PHF3: variants seen among roughly 807,000 people sequenced by gnomAD.
PHF3 encodes the protein PHD finger protein 3.
Under a neutral mutation model 178.4 loss-of-function variants are expected in PHF3, and 41 were observed. The ratio of observed to expected loss-of-function variants is 0.23; its 90% CI spans 0.18 to 0.30. The LOEUF (loss-of-function observed/expected upper bound fraction) is 0.30, where lower values mean the gene tolerates loss of function less well. Ranked by LOEUF, PHF3 falls within the 10% of genes least tolerant of loss-of-function variation. PHF3 has a pLI of 1.00. For synonymous variants in PHF3, 842 were observed against 800.5 expected (o/e 1.05, Z -0.88); for missense variants, 2,346 against 2,398.1 (o/e 0.98, Z 0.45).
At chr6:63,694,348 A>ACT (rs1475226018) in intron 5 of PHF3, among the ~76,000 whole-genome samples, 1 of 152,142 alleles carries the variant, frequency 6.6e-6, no homozygotes, top group Non-Finnish European at 1.5e-5. Context: ...GAGAATTCTT[A>ACT]CTACCTTATT....
chr6:63,709,757 A>T (rs1413083084), intron 14 of PHF3, among the ~76,000 whole-genome samples: 1 of 152,202 alleles, frequency 6.6e-6, no homozygotes, highest in Non-Finnish European at 1.5e-5. Context: ...ATCCATACAT[A>T]GCTGCTAGGG....
intron 2 of PHF3, among the ~76,000 whole-genome samples, chr6:63,673,632 C>T (rs1582049766): frequency 1.3e-5 from 2 of 152,306 alleles, no homozygotes; most frequent in East Asian, 3.9e-4. Flanking sequence ...ACTTGCAAAA[C>T]ATGTTTTCTT....
chr6:63,651,304 C>G (rs1404876124), intron 2 of PHF3, among the ~76,000 whole-genome samples: 1 of 152,066 alleles, frequency 6.6e-6, no homozygotes, highest in East Asian at 1.9e-4. Flanking sequence ...ATTGTAGTTA[C>G]CCTGTAGTGT....
chr6:63,694,822 CAATT>C (rs1767165712), intron 6 of PHF3, 58 bp downstream of exon 6: 4 of 964,020 alleles, frequency 4.1e-6, no homozygotes, highest in Non-Finnish European at 5.5e-6. Context: ...ATTTAAGATA[CAATT>C]AATTAGTATA....
intron 2 of PHF3, among the ~76,000 whole-genome samples, chr6:63,670,936 T>G (rs1765886882): frequency 6.6e-6 from 1 of 152,192 alleles, no homozygotes; most frequent in South Asian, 2.1e-4. Context: ...AAAAAATATG[T>G]GATTCTCTAA....
intron 4 of PHF3, among the ~76,000 whole-genome samples, chr6:63,687,563 A>G (rs909546877): frequency 9.2e-5 from 14 of 152,210 alleles, no homozygotes; most frequent in Non-Finnish European, 1.8e-4. Context: ...AAAAATTATC[A>G]TGTGGACAGA....
rs1469385841 is a variant in PHF3 at position 63,724,493 on chromosome 6, CGTT to C, written c.*10787_*10789del. 1.3e-5 allele frequency among the ~76,000 whole-genome samples: 2 copies of C among 151,978 alleles called. No individual in the cohort carries two copies. The highest frequency in any genetic ancestry group is 4.8e-5 in the African/African-American group (2 of 41,382). The stretch of plus-strand genomic sequence containing the variant: ...TGCAATGACTAGGCCTTTTTATACA[CGTT>C]GGGAGGATTATAACTATATCAGATG... On this transcript the variant is annotated 3_prime_UTR_variant, in exon 16 of 16. Coordinates refer to ENST00000262043, the MANE Select transcript of PHF3 (RefSeq NM_001370348.2).
chr6:63,720,511 A>G lies in PHF3; in HGVS notation c.*6803A>G. 1.0e-6 allele frequency: 1 copy of G among 977,846 alleles called. No individual in the cohort carries two copies. Among genetic ancestry groups the G allele is most frequent in the South Asian group, 2.0e-5 (1 of 50,138 alleles). 60.6% of individuals were successfully genotyped at this position (977,846 alleles called of 1,614,324 possible). A position where few individuals can be genotyped will look rare whatever the true frequency, so the allele number is the denominator to read the frequency against. On this transcript the variant is annotated 3_prime_UTR_variant, in exon 16 of 16. Transcript: ENST00000262043. The stretch of plus-strand genomic sequence containing the variant: ...TTTCAGGTAATATAGTAAACAGTTG[A>G]TTCCCCGTAAGCAATGTATCAAAGA...
chr6:63,637,337 A>G (rs1476142796), intron 1 of PHF3, among the ~76,000 whole-genome samples: 2 of 152,204 alleles, frequency 1.3e-5, no homozygotes, highest in East Asian at 3.9e-4. Flanking sequence ...CTACGCCTCC[A>G]TTATTCATTT....
intron 2 of PHF3, among the ~76,000 whole-genome samples, chr6:63,667,976 T>C (rs1265160030): frequency 6.6e-6 from 1 of 152,208 alleles, no homozygotes; most frequent in East Asian, 1.9e-4. Context: ...CCTAAATACT[T>C]GAGATGGCAA....
chr6:63,692,860 G>A (rs1044539031), intron 5 of PHF3, among the ~76,000 whole-genome samples: 4 of 152,164 alleles, frequency 2.6e-5, no homozygotes, highest in African/African-American at 9.7e-5. Context: ...TTGCATCCCT[G>A]AATTGAAGCC....
In PHF3 at chr6:63,722,990, G is replaced by A. The variant is rs138825666; in HGVS notation, c.*9282G>A. Among the ~76,000 whole-genome samples the A allele has an allele frequency of 3.9e-4, 59 of 152,290 alleles. No homozygotes were observed. Among genetic ancestry groups the A allele is most frequent in the African/African-American group, 1.4e-3 (57 of 41,566 alleles). ...TAGGTTGTAAGCTTTATGAGAACAG[G>A]GTCTGTGTTTGGTTTGGTCCAACAG... On this transcript the variant is annotated 3_prime_UTR_variant, in exon 16 of 16. Coordinates refer to ENST00000262043, the MANE Select transcript of PHF3 (RefSeq NM_001370348.2).
intron 2 of PHF3, among the ~76,000 whole-genome samples, chr6:63,650,406 C>A (rs1051745043): frequency 1.3e-5 from 2 of 152,148 alleles, no homozygotes; most frequent in Non-Finnish European, 2.9e-5. Context: ...AGAGTTGATT[C>A]ATATTGTGTA....
intron 3 of PHF3, 142 bp from the exon 4 acceptor site, chr6:63,683,987 C>G: frequency 1.8e-6 from 1 of 565,178 alleles, no homozygotes; most frequent in South Asian, 2.8e-5. Context: ...TATCATGTCA[C>G]CATTATGAGT....
intron 6 of PHF3, among the ~76,000 whole-genome samples, chr6:63,697,023 T>G (rs1767259247): frequency 6.6e-6 from 1 of 152,116 alleles, no homozygotes; most frequent in African/African-American, 2.4e-5. Context: ...TATCATAGCA[T>G]GTTTGTAAGA....
In PHF3 at chr6:63,654,279, C is replaced by G. The variant is rs189667460; in HGVS notation, c.244+7484C>G. On this transcript the variant is annotated intron_variant, in intron 2 of 15. Coordinates refer to ENST00000262043, the MANE Select transcript of PHF3 (RefSeq NM_001370348.2). Reference sequence around the variant, plus strand: ...GATGGGAGACTTATTATTACAGAGACAATCATGGTTGAACATGAAAAATAC... The same window carrying G: ...GATGGGAGACTTATTATTACAGAGAGAATCATGGTTGAACATGAAAAATAC... Among the ~76,000 whole-genome samples the G allele has an allele frequency of 1.6e-4, 24 of 152,256 alleles. No individual in the cohort carries two copies. The South Asian group carries it at 4.6e-3, about 29-fold the overall frequency.
intron 2 of PHF3, among the ~76,000 whole-genome samples, chr6:63,665,047 T>C (rs1765623553): frequency 6.6e-6 from 1 of 152,152 alleles, no homozygotes; most frequent in African/African-American, 2.4e-5. Flanking sequence ...ACTGAACTTT[T>C]TTATTTGGGA....
chr6:63,702,693 G>T (rs1767526006), intron 10 of PHF3, 54 bp downstream of exon 10: 1 of 1,509,470 alleles, frequency 6.6e-7, no homozygotes, highest in Non-Finnish European at 9.0e-7. Context: ...TTCAGAAAAG[G>T]TTTATTTGCC....
chr6:63,701,038 A>T (rs1322011050), intron 9 of PHF3, among the ~76,000 whole-genome samples: 1 of 152,184 alleles, frequency 6.6e-6, no homozygotes, highest in East Asian at 1.9e-4. Flanking sequence ...AAGAATTAAC[A>T]TCTTTTCATA....
Sources: gnomAD v4.1 joint callset for allele counts (sites outside exome capture counted in the v4.1 genomes callset) on GRCh38, gnomAD v4.1.1 for gene constraint, MANE v1.5 for transcripts, NCBI Gene and HGNC (gene_info 2026-07-23, HGNC 2026-07-21) for gene names.